The following SHLD1 variants were observed in gnomAD, a reference collection of about 807,000 sequenced individuals.
The protein encoded by SHLD1 is RINN1-REV7-interacting novel NHEJ regulator 3.
A neutral mutation model predicts 5.5 loss-of-function variants in SHLD1; 3 were observed. The observed-to-expected ratio is 0.54, with a 90% CI of 0.25 to 1.40. The LOEUF (loss-of-function observed/expected upper bound fraction) is 1.40, where lower values mean the gene tolerates loss of function less well. SHLD1 is among the 40% of genes most tolerant of loss of function. SHLD1 has a pLI of 0.15. For synonymous variants in SHLD1, 92 were observed against 94.3 expected, an observed-to-expected ratio of 0.98 and a Z score of 0.14; for missense variants, 210 against 244.4, an observed-to-expected ratio of 0.86 and a Z score of 0.94.
intron 2 of SHLD1, among the ~76,000 whole-genome samples, chr20:5,804,912 TG>T (rs1243129896): frequency 6.6e-6 from 1 of 152,140 alleles, no homozygotes; most frequent in Non-Finnish European, 1.5e-5. Flanking sequence ...GCCTTTGCCC[TG>T]AACAGGAAAT....
rs539564055 is a variant in SHLD1 at position 5,763,690 on chromosome 20, C to T, written c.-4-9172C>T. On this transcript the variant is annotated intron_variant, in intron 1 of 2. Transcript: ENST00000303142. ...ATCTTTGGAAAAAGGCACAGACCAC[C>T]GGCAGTTCCTGTGATTCTGGTTTAT... Among the ~76,000 whole-genome samples the T allele has an allele frequency of 2.8e-4, 42 of 152,248 alleles. No homozygotes were observed. In the East Asian group the frequency reaches 4.4e-3, roughly 16 times the overall value.
At chr20:5,817,426 CTCTCTCTGTGTGTGTGTG>C (rs1426277904) in intron 2 of SHLD1, among the ~76,000 whole-genome samples, 3 of 126,964 alleles carry the variant, frequency 2.4e-5, no homozygotes, top group Admixed American at 7.6e-5. Context: ...CTCTCTCTCT[CTCTCTCTGTGTGTGTGTG>C]TGTGTGTGTG....
intron 2 of SHLD1, among the ~76,000 whole-genome samples, chr20:5,807,311 ATTCCTTCCTTC>A (rs1319085493): frequency 2.0e-5 from 3 of 150,674 alleles, no homozygotes; most frequent in East Asian, 2.0e-4. Context: ...TTTTCTTTTC[ATTCCTTCCTTC>A]TTCCTTCCTT....
intron 2 of SHLD1, among the ~76,000 whole-genome samples, chr20:5,793,626 G>C (rs1263807109): frequency 1.3e-5 from 2 of 152,254 alleles, no homozygotes; most frequent in Middle Eastern, 3.4e-3. Context: ...CTTTATTTTA[G>C]GGTAAAGTAT....
At chr20:5,768,415 G>A (rs946221168) in intron 1 of SHLD1, among the ~76,000 whole-genome samples, 1 of 152,220 alleles carries the variant, frequency 6.6e-6, no homozygotes, top group African/African-American at 2.4e-5. Context: ...AAAGCCTCCT[G>A]CCCCTTCTGG....
intron 2 of SHLD1, among the ~76,000 whole-genome samples, chr20:5,784,802 CGTT>C (rs1450408031): frequency 3.9e-5 from 6 of 152,252 alleles, no homozygotes; most frequent in African/African-American, 1.4e-4. Context: ...TGACATCTCT[CGTT>C]GTTCCTCACT....
intron 2 of SHLD1, among the ~76,000 whole-genome samples, chr20:5,861,995 G>A (rs2088169085): frequency 6.6e-6 from 1 of 152,078 alleles, no homozygotes; most frequent in Non-Finnish European, 1.5e-5. Context: ...GTGCTCACAT[G>A]GCTTTTCCTT....
At chr20:5,836,607 C>T (rs1459958516) in intron 2 of SHLD1, among the ~76,000 whole-genome samples, 1 of 152,218 alleles carries the variant, frequency 6.6e-6, no homozygotes, top group Non-Finnish European at 1.5e-5. Context: ...CCCGCTCCCT[C>T]CTTGCATTTA....
At chr20:5,849,944 C>T (rs553415644) in intron 2 of SHLD1, among the ~76,000 whole-genome samples, 123 of 123,954 alleles carry the variant, frequency 9.9e-4, no homozygotes, top group South Asian at 1.5e-3. Context: ...CCGGCCTGGG[C>T]GACAGAGCGA....
At chr20:5,788,563 A>G (rs1158210208) in intron 2 of SHLD1, among the ~76,000 whole-genome samples, 1 of 152,202 alleles carries the variant, frequency 6.6e-6, no homozygotes, top group Non-Finnish European at 1.5e-5. Context: ...GCTACTTGTT[A>G]CACTTTCCTG....
In SHLD1 at chr20:5,863,105, C is replaced by T; in HGVS notation, c.260C>T (p.Ser87Leu). Residue 87 changes from serine (S) to leucine (L), a missense_variant, in exon 3 of 3, where the codon TCA becomes TTA. Transcript: ENST00000303142. ...FWLDPAVKGQSEKEEDDGLRK... is the reference protein window; with the variant it reads ...FWLDPAVKGQLEKEEDDGLRK... ...CTTGACCCTGCTGTGAAAGGCCAGTCAGAGAAGGAAGAGGATGATGGCCTT... is the reference window on the plus strand; with the variant it reads ...CTTGACCCTGCTGTGAAAGGCCAGTTAGAGAAGGAAGAGGATGATGGCCTT... The T allele has an allele frequency of 6.2e-7, 1 of 1,614,112 alleles. No homozygotes were observed. The highest frequency in any genetic ancestry group is 8.5e-7 in the Non-Finnish European group (1 of 1,180,012).
chr20:5,813,360 C>T (rs199636302), intron 2 of SHLD1, among the ~76,000 whole-genome samples: 3 of 152,152 alleles, frequency 2.0e-5, no homozygotes, highest in African/African-American at 4.8e-5. Context: ...CGTGGTGGCA[C>T]GTGCCTGTAG....
At chr20:5,827,482 C>T (rs1297399557) in intron 2 of SHLD1, among the ~76,000 whole-genome samples, 2 of 152,134 alleles carry the variant, frequency 1.3e-5, no homozygotes, top group Non-Finnish European at 2.9e-5. Context: ...CTATGGCACC[C>T]CCAGTCTGCA....
intron 2 of SHLD1, among the ~76,000 whole-genome samples, chr20:5,791,478 C>T (rs933777797): frequency 2.7e-5 from 4 of 146,996 alleles, no homozygotes; most frequent in African/African-American, 7.5e-5. Context: ...CTGGGAGGAT[C>T]GCTATTGTCC....
chr20:5,777,093 A>G (rs1464721386), intron 2 of SHLD1, among the ~76,000 whole-genome samples: 1 of 151,896 alleles, frequency 6.6e-6, no homozygotes, highest in Non-Finnish European at 1.5e-5. Context: ...GGTTAAAGCA[A>G]TTCTCCTGCC....
At chr20:5,795,703 C>T (rs112219086) in intron 2 of SHLD1, among the ~76,000 whole-genome samples, 6,913 of 150,998 alleles carry the variant, frequency 0.046, 227 homozygotes, top group Non-Finnish European at 0.065. Flanking sequence ...ATCTATTGGC[C>T]GGGTGTGGTG....
intron 2 of SHLD1, among the ~76,000 whole-genome samples, chr20:5,799,630 C>T (rs970200378): frequency 6.6e-6 from 1 of 151,982 alleles, no homozygotes; most frequent in African/African-American, 2.4e-5. Context: ...TATCACAGGC[C>T]AGCTCAAATT....
chr20:5,750,498 G>GGGGGA lies in SHLD1; in HGVS notation c.-5+23_-5+24insAGGGG, dbSNP rs1555766048. On this transcript the variant is annotated intron_variant, in intron 1 of 2. Transcript: ENST00000303142. ...AGGAGAGGTAAGCGCGGGATGGGAT[G>GGGGGA]GGGGGGGGTTGGAGTGGTGGGGGCG... The GGGGGA allele has an allele frequency of 5.0e-5, 4 of 80,644 alleles. No homozygotes were observed. The highest frequency in any genetic ancestry group is 3.8e-4 in the African/African-American group (4 of 10,538). The allele number at this position is 80,644 out of a possible 1,614,324, so 5.0% of individuals were successfully genotyped here.
At chr20:5,841,651 C>A (rs1032672730) in intron 2 of SHLD1, among the ~76,000 whole-genome samples, 2 of 152,166 alleles carry the variant, frequency 1.3e-5, no homozygotes, top group African/African-American at 4.8e-5. Context: ...AGTAATAACT[C>A]CATGACTCAT....
Sources: gnomAD v4.1 joint callset for allele counts (sites outside exome capture counted in the v4.1 genomes callset) on GRCh38, gnomAD v4.1.1 for gene constraint, MANE v1.5 for transcripts, NCBI Gene and HGNC (gene_info 2026-07-23, HGNC 2026-07-21) for gene names.